The following CHODL variants were observed in gnomAD, a reference collection of about 807,000 sequenced individuals.
The protein encoded by CHODL is chondrolectin.
In CHODL, 29 loss-of-function variants were observed where a neutral mutation model predicts 34.5. That is an observed-to-expected ratio of 0.84 (90% CI 0.63 to 1.15). CHODL has a LOEUF of 1.15. CHODL is among the 50% of genes most tolerant of loss of function. CHODL has a pLI of 0.00. For missense variants in CHODL, 332 were observed against 332.5 expected, an observed-to-expected ratio of 1.00 and a Z score of 0.01; for synonymous variants, 125 against 116.1, an observed-to-expected ratio of 1.08 and a Z score of -0.49.
chr21:18,232,368 T>A (rs2073987933), intron 2 of CHODL, among the ~76,000 whole-genome samples: 1 of 152,080 alleles, frequency 6.6e-6, no homozygotes, highest in South Asian at 2.1e-4. Flanking sequence ...TTCTCACAGT[T>A]CTGGAGGCAG....
chr21:18,028,265 T>TCC (rs1568850992), intron 2 of CHODL, among the ~76,000 whole-genome samples: 6 of 112,124 alleles, frequency 5.4e-5, no homozygotes, highest in African/African-American at 2.1e-4. Context: ...TTTCTTTTTC[T>TCC]TTTTCCTTTT....
chr21:18,224,919 G>A (rs1040995932), intron 2 of CHODL, among the ~76,000 whole-genome samples: 4 of 151,938 alleles, frequency 2.6e-5, no homozygotes, highest in African/African-American at 9.7e-5. Context: ...TAGGGAGGCT[G>A]GTATTATTCA....
intron 1 of CHODL, among the ~76,000 whole-genome samples, chr21:17,959,540 A>G (rs1226936525): frequency 6.6e-6 from 1 of 152,228 alleles, no homozygotes; most frequent in Non-Finnish European, 1.5e-5. Context: ...CATTTTCCAA[A>G]TACATATGAA....
intron 2 of CHODL, among the ~76,000 whole-genome samples, chr21:18,227,377 C>T (rs2073940238): frequency 6.6e-6 from 1 of 152,116 alleles, no homozygotes; most frequent in Non-Finnish European, 1.5e-5. Flanking sequence ...AACATAAAAA[C>T]TGTCAAGATT....
intron 2 of CHODL, among the ~76,000 whole-genome samples, chr21:18,092,138 C>A (rs1460750132): frequency 6.6e-6 from 1 of 152,080 alleles, no homozygotes; most frequent in Non-Finnish European, 1.5e-5. Flanking sequence ...ATCATCACAC[C>A]CCCAGTTCCA....
chr21:18,165,248 C>G (rs2073138755), intron 2 of CHODL, among the ~76,000 whole-genome samples: 2 of 152,312 alleles, frequency 1.3e-5, no homozygotes, highest in Non-Finnish European at 2.9e-5. Context: ...CCCCTCTTGA[C>G]AGAAAAAATC....
chr21:18,143,552 C>T (rs2205306), intron 2 of CHODL, among the ~76,000 whole-genome samples: 60,296 of 151,890 alleles, frequency 0.4, 14,838 homozygotes, highest in African/African-American at 0.68. Context: ...TGAACCCTAG[C>T]TTCCTCAAAT....
intron 1 of CHODL, among the ~76,000 whole-genome samples, chr21:17,919,209 T>C (rs1224507578): frequency 6.6e-6 from 1 of 152,182 alleles, no homozygotes; most frequent in African/African-American, 2.4e-5. Flanking sequence ...CTGCACTAGG[T>C]GGTGCCCCCA....
chr21:18,074,361 C>CT (rs1051289244), intron 2 of CHODL, among the ~76,000 whole-genome samples: 8 of 152,264 alleles, frequency 5.3e-5, no homozygotes, highest in African/African-American at 1.9e-4. Context: ...ATGGGGCACT[C>CT]TAAGAATTTC....
intron 2 of CHODL, among the ~76,000 whole-genome samples, chr21:18,044,432 ATCTT>A (rs1221909453): frequency 6.6e-6 from 1 of 151,752 alleles, no homozygotes; most frequent in Non-Finnish European, 1.5e-5. Flanking sequence ...AAAAAGAAAA[ATCTT>A]TATTTTTTTA....
At chr21:18,208,604 T>A (rs944130595) in intron 2 of CHODL, among the ~76,000 whole-genome samples, 1 of 152,186 alleles carries the variant, frequency 6.6e-6, no homozygotes, top group African/African-American at 2.4e-5. Flanking sequence ...GTCTTCATAC[T>A]CTGGGCTTGT....
upstream of CHODL, among the ~76,000 whole-genome samples, chr21:18,240,149 C>A (rs1233552319): frequency 6.6e-6 from 1 of 151,754 alleles, no homozygotes; most frequent in African/African-American, 2.4e-5. Context: ...AAATATTGAT[C>A]AGAATATATG....
chr21:18,077,131 A>C (rs927673807), intron 2 of CHODL, among the ~76,000 whole-genome samples: 1 of 152,148 alleles, frequency 6.6e-6, no homozygotes, highest in African/African-American at 2.4e-5. Context: ...AAGTCAAAGA[A>C]TACCTTCAAA....
At chr21:18,016,750 T>C (rs1450675701) in intron 1 of CHODL, among the ~76,000 whole-genome samples, 1 of 152,232 alleles carries the variant, frequency 6.6e-6, no homozygotes, top group Non-Finnish European at 1.5e-5. Context: ...AGGTACTCTA[T>C]GCCAGCCCAT....
chr21:18,120,714 G>A (rs1450515660), intron 2 of CHODL, among the ~76,000 whole-genome samples: 1 of 151,824 alleles, frequency 6.6e-6, no homozygotes, highest in South Asian at 2.1e-4. Context: ...AGCTAATTTT[G>A]TTGTTTACTT....
At chr21:18,106,687 C>T (rs938972567) in intron 2 of CHODL, among the ~76,000 whole-genome samples, 3 of 151,808 alleles carry the variant, frequency 2.0e-5, no homozygotes, top group Non-Finnish European at 2.9e-5. Flanking sequence ...TGTAGAGACG[C>T]GGTTTCACCA....
chr21:18,262,979 T>C, intron 5 of CHODL, 86 bp downstream of exon 5: 1 of 746,946 alleles, frequency 1.3e-6, no homozygotes, highest in Non-Finnish European at 2.3e-6. Context: ...ATAAAGTTAA[T>C]TATATTTTAA....
intron 2 of CHODL, among the ~76,000 whole-genome samples, chr21:18,118,397 C>T (rs1029697254): frequency 6.6e-6 from 1 of 152,130 alleles, no homozygotes; most frequent in Non-Finnish European, 1.5e-5. Context: ...CTCAAAAATA[C>T]TAATTAACAT....
At chr21:18,220,783 G>A (rs1053672951) in intron 2 of CHODL, among the ~76,000 whole-genome samples, 13 of 150,754 alleles carry the variant, frequency 8.6e-5, no homozygotes, top group African/African-American at 3.2e-4. Flanking sequence ...TAATCCTTTT[G>A]TATGTGATTT....
Sources: gnomAD v4.1 joint callset for allele counts (sites outside exome capture counted in the v4.1 genomes callset) on GRCh38, gnomAD v4.1.1 for gene constraint, MANE v1.5 for transcripts, NCBI Gene and HGNC (gene_info 2026-07-23, HGNC 2026-07-21) for gene names.